The following REPS2 variants were observed in gnomAD, a reference collection of about 807,000 sequenced individuals.
REPS2 encodes ralBP1-associated Eps domain-containing protein 2.
Under a neutral mutation model 53.6 loss-of-function variants are expected in REPS2, and 23 were observed. The observed-to-expected ratio is 0.43, with a 90% CI of 0.31 to 0.61. The LOEUF (loss-of-function observed/expected upper bound fraction) is 0.61. Among genes scored for constraint, REPS2 ranks in the 20% least tolerant of loss-of-function variants. The pLI, the probability that REPS2 is intolerant of heterozygous loss-of-function variation, is 0.11. For synonymous variants in REPS2, 238 were observed against 218.6 expected, an observed-to-expected ratio of 1.09 and a Z score of -0.78; for missense variants, 446 against 534.9, an observed-to-expected ratio of 0.83 and a Z score of 1.64.
intron 1 of REPS2, among the ~76,000 whole-genome samples, chrX:16,982,692 T>C (rs989247912): frequency 1.1e-4 from 12 of 112,147 alleles, no homozygotes; most frequent in Admixed American, 3.8e-4. Context: ...CTTTGGCTAG[T>C]GGCCTGTGAG....
At chrX:17,194,144 C>T in the REPS2 span, among the ~76,000 whole-genome samples, 3 of 111,571 alleles carry the variant, frequency 2.7e-5, no homozygotes, top group Non-Finnish European at 3.8e-5. Flanking sequence ...ATTGTGTGAC[C>T]GTAGCATGTT....
chrX:17,186,705 G>A, the REPS2 span, among the ~76,000 whole-genome samples: 1 of 112,042 alleles, frequency 8.9e-6, no homozygotes, highest in Admixed American at 9.5e-5. Context: ...AAACACAGAA[G>A]CACAGGGAGA....
At chrX:16,959,246 T>A (rs1314154854) in intron 1 of REPS2, among the ~76,000 whole-genome samples, 1 of 111,208 alleles carries the variant, frequency 9.0e-6, no homozygotes, top group Non-Finnish European at 1.9e-5. Context: ...ACCACAGGCA[T>A]GTACCACTAT....
chrX:17,014,671 T>C (rs2061467211), intron 2 of REPS2, among the ~76,000 whole-genome samples: 1 of 111,781 alleles, frequency 8.9e-6, no homozygotes. Flanking sequence ...AAGTAGCTGG[T>C]ATAAGTGAAT....
intron 14 of REPS2, among the ~76,000 whole-genome samples, chrX:17,124,134 G>A (rs947355907): frequency 5.5e-4 from 62 of 112,388 alleles, no homozygotes; most frequent in African/African-American, 1.9e-3. Flanking sequence ...CAACTGCAAA[G>A]CCTGGGTTTG....
chrX:17,080,351 C>A (rs1352812857), intron 13 of REPS2, among the ~76,000 whole-genome samples: 3 of 107,650 alleles, frequency 2.8e-5, no homozygotes, highest in Non-Finnish European at 5.8e-5. Flanking sequence ...TCATACCCCT[C>A]TGTTTCTCTT....
chrX:17,133,733 C>T (rs1375342101), intron 14 of REPS2, 91 bp from the exon 15 acceptor site: 26 of 822,083 alleles, frequency 3.2e-5, no homozygotes, highest in Non-Finnish European at 4.4e-5. Flanking sequence ...ATCAGTTTTC[C>T]CTTGGTGACT....
rs555504517 is a variant in REPS2, at chrX:17,100,320, C to T, written c.1517-3398C>T. The T allele has an allele frequency of 8.4e-4, 444 of 530,540 alleles. 5 individuals are homozygous for T. The South Asian group carries it at 0.011, about 13-fold the overall frequency. The allele number at this position is 530,540 out of a possible 1,213,427, so 43.7% of individuals were successfully genotyped here. On this transcript the variant is annotated intron_variant, in intron 13 of 17. Transcript: ENST00000357277. The stretch of plus-strand genomic sequence containing the variant: ...TTCTTGTTTTGTTTTTTCTCCATAG[C>T]GTGTGTGTAAAGGGTGATGCTGCTC...
At chrX:17,157,533 A>G (rs1343799568), downstream of REPS2, among the ~76,000 whole-genome samples, 1 of 112,105 alleles carries the variant, frequency 8.9e-6, no homozygotes, top group Non-Finnish European at 1.9e-5. Context: ...CAACTTGGCA[A>G]TGCCTAGAGA....
intron 9 of REPS2, among the ~76,000 whole-genome samples, chrX:17,064,470 C>T (rs2062200439): frequency 8.9e-6 from 1 of 111,756 alleles, no homozygotes; most frequent in South Asian, 3.7e-4. Flanking sequence ...GGTCTCACGT[C>T]ATGAGAAATT....
chrX:17,156,537 C>A (rs759717461), downstream of REPS2, among the ~76,000 whole-genome samples: 3 of 110,643 alleles, frequency 2.7e-5, no homozygotes, highest in Non-Finnish European at 5.7e-5. Flanking sequence ...TTAACGGGTT[C>A]ATGGTGATGA....
At position 16,974,607 on chromosome X, in the gene REPS2, T is replaced by C. The variant is rs1332552505; in HGVS notation, c.273+27473T>C. Among the ~76,000 whole-genome samples, 3 of 110,566 alleles carry C rather than the reference T, an allele frequency of 2.7e-5. No individual in the cohort carries two copies. The East Asian group carries it at 8.5e-4, about 31-fold the overall frequency. Reference sequence around the variant, plus strand: ...TTGCAGTGAGCCGAGATTGCACCACTGCACTCCAGCCTGGGCGACAGAGCT... The same window carrying C: ...TTGCAGTGAGCCGAGATTGCACCACCGCACTCCAGCCTGGGCGACAGAGCT... On this transcript the variant is annotated intron_variant, in intron 1 of 17. Transcript: ENST00000357277.
chrX:17,195,488 T>G, the REPS2 span, among the ~76,000 whole-genome samples: 7 of 112,303 alleles, frequency 6.2e-5, no homozygotes, highest in African/African-American at 2.3e-4. Context: ...ATTTTGGCCC[T>G]GTTCAAGTAG....
At chrX:16,951,299 G>C (rs943180970) in intron 1 of REPS2, among the ~76,000 whole-genome samples, 2 of 111,434 alleles carry the variant, frequency 1.8e-5, no homozygotes, top group African/African-American at 6.5e-5. Context: ...TTTCCACCTA[G>C]TGCTAGAATC....
chrX:17,032,331 T>C (rs1210682943), intron 5 of REPS2, among the ~76,000 whole-genome samples: 2 of 111,618 alleles, frequency 1.8e-5, no homozygotes, highest in African/African-American at 6.6e-5. Context: ...CTCTTTTCTG[T>C]AATACAAATG....
chrX:17,156,866 T>C (rs1270166689), downstream of REPS2, among the ~76,000 whole-genome samples: 1 of 112,194 alleles, frequency 8.9e-6, no homozygotes, highest in Admixed American at 9.4e-5. Flanking sequence ...GCTGGGAGCC[T>C]GCATCCCAAT....
At chrX:16,956,197 CTTT>C (rs11339565) in intron 1 of REPS2, among the ~76,000 whole-genome samples, 6 of 86,977 alleles carry the variant, frequency 6.9e-5, no homozygotes, top group Non-Finnish European at 6.6e-5. Flanking sequence ...AGAACTACAT[CTTT>C]TTTTTTTTTT....
At chrX:17,011,984 C>T (rs1168564827) in intron 2 of REPS2, among the ~76,000 whole-genome samples, 1 of 109,277 alleles carries the variant, frequency 9.2e-6, no homozygotes, top group East Asian at 2.8e-4. Flanking sequence ...AAAAACCAAC[C>T]CCCAAAACAT....
chrX:17,128,579 A>ACCCT (rs1407882867), intron 14 of REPS2, among the ~76,000 whole-genome samples: 3 of 112,153 alleles, frequency 2.7e-5, no homozygotes, highest in Non-Finnish European at 5.6e-5. Flanking sequence ...CCCCGTACCC[A>ACCCT]TGTCCCAAGC....
Sources: allele counts gnomAD v4.1 joint callset (sites outside exome capture counted in the v4.1 genomes callset), GRCh38; gene constraint gnomAD v4.1.1; transcripts MANE v1.5; gene names NCBI Gene and HGNC (gene_info 2026-07-23, HGNC 2026-07-21).